The following RPL36A variants were observed in gnomAD, a reference collection of about 807,000 sequenced individuals.
RPL36A encodes ribosomal protein L36a, also known as large ribosomal subunit protein eL42.
For synonymous variants in RPL36A, 25 were observed against 28.5 expected, an observed-to-expected ratio of 0.88 and a Z score of 0.39; for missense variants, 20 against 81.0, an observed-to-expected ratio of 0.25 and a Z score of 2.89.
chrX:101,394,884 G>T (rs782366541), intron 3 of RPL36A, among the ~76,000 whole-genome samples: 1 of 100,237 alleles, frequency 1.0e-5, no homozygotes, highest in South Asian at 4.8e-4. Context: ...CACCTCCCGG[G>T]TTCAAGTGAT....
intron 3 of RPL36A, among the ~76,000 whole-genome samples, chrX:101,394,344 TAA>T (rs1248967438): frequency 2.9e-5 from 3 of 102,234 alleles, no homozygotes; most frequent in African/African-American, 1.1e-4. Flanking sequence ...AAAAGAACAA[TAA>T]AAAAAGTTGA....
chrX:101,394,691 TACC>T (rs1397444604), intron 3 of RPL36A, among the ~76,000 whole-genome samples: 29 of 102,079 alleles, frequency 2.8e-4, no homozygotes, highest in South Asian at 4.2e-4. Context: ...TCTTTGCTAT[TACC>T]ACATTTTCTC....
intron 3 of RPL36A, chrX:101,392,349 A>G: frequency 1.2e-6 from 1 of 849,792 alleles, no homozygotes; most frequent in Non-Finnish European, 1.4e-6. Flanking sequence ...GATTTGGCTA[A>G]CTCTTAAAGT....
Position 101,391,885 on chromosome X carries a change from T to C in RPL36A, c.177+63T>C, listed in dbSNP as rs782307448. 6.7e-6 allele frequency: 8 copies of C among 1,195,897 alleles called. No individual in the cohort carries two copies. The South Asian group carries it at 1.1e-4, about 17-fold the overall frequency. ...TGCCGTAAGGATATGCACTTGTCTC[T>C]AGTCCACACACTTCATGATATAGGT... is the stretch of plus-strand genomic sequence containing the variant. On this transcript the variant is annotated intron_variant, in intron 3 of 4. Coordinates refer to ENST00000553110, the MANE Select transcript of RPL36A (RefSeq NM_021029.6).
rs782610523 is a variant in RPL36A, at chrX:101,395,862, TG to T, written c.*118del. The T allele has an allele frequency of 2.7e-6, 2 of 729,933 alleles. No homozygotes were observed. The highest frequency in any genetic ancestry group is 6.6e-5 in the East Asian group (2 of 30,487). The allele number at this position is 729,933 out of a possible 1,213,427, so 60.2% of individuals were successfully genotyped here. On this transcript the variant is annotated 3_prime_UTR_variant, in exon 5 of 5. Transcript: ENST00000553110. ...AGAGCCATCAATACAATTCCGCTTGTGGGGAAATTTATGCCTCTTACTGGTA... is the reference window on the plus strand; with the variant it reads ...AGAGCCATCAATACAATTCCGCTTGTGGGAAATTTATGCCTCTTACTGGTA...
intron 4 of RPL36A, 24 bp from the exon 5 acceptor site, chrX:101,395,701 AAAC>A (rs782683315): frequency 2.5e-6 from 3 of 1,206,548 alleles, no homozygotes; most frequent in Non-Finnish European, 3.4e-6. Context: ...GCAAAATACA[AAAC>A]AACTTTTTTC....
Position 101,395,709 on chromosome X carries a change from T to A in RPL36A, c.301-19T>A. 1 of 1,208,926 alleles carries A rather than the reference T, an allele frequency of 8.3e-7. No homozygotes were observed. Among genetic ancestry groups the A allele is most frequent in the Non-Finnish European group, 1.1e-6 (1 of 893,326 alleles). ...GTTCATGGCAAAATACAAAACAACTTTTTTCTGTTCTGTTACAGGGCCAAG... is the reference window on the plus strand; with the variant it reads ...GTTCATGGCAAAATACAAAACAACTATTTTCTGTTCTGTTACAGGGCCAAG... On this transcript the variant is annotated intron_variant, in intron 4 of 4. Coordinates refer to ENST00000553110, the MANE Select transcript of RPL36A (RefSeq NM_021029.6).
rs199799736 is a variant in RPL36A, at chrX:101,396,121, GTTAAT to G, written c.*379_*383del. 9,652 of 167,924 alleles carry G rather than the reference GTTAAT, an allele frequency of 0.057. 342 individuals carry two copies. Among genetic ancestry groups the G allele is most frequent in the African/African-American group, 0.14 (4,580 of 32,656 alleles). 13.8% of individuals were successfully genotyped at this position (167,924 alleles called of 1,213,427 possible). A position where few individuals can be genotyped will look rare whatever the true frequency, so the allele number is the denominator to read the frequency against. ...TAAGTGTCAGATCTTTGTTATAACA[GTTAAT>G]TTAATAAAGAATTTTGGCATTGTTC... is the stretch of plus-strand genomic sequence containing the variant. On this transcript the variant is annotated 3_prime_UTR_variant, in exon 5 of 5. Transcript: ENST00000553110.
intron 3 of RPL36A, chrX:101,392,391 C>T (rs1927842034): frequency 2.5e-6 from 2 of 803,458 alleles, no homozygotes; most frequent in African/African-American, 4.4e-5. Context: ...GGAGCATTCT[C>T]TCCAACACAG....
At chrX:101,394,717 TATTTATATA>T (rs1287986010) in intron 3 of RPL36A, among the ~76,000 whole-genome samples, 9 of 101,716 alleles carry the variant, frequency 8.8e-5, no homozygotes, top group African/African-American at 3.2e-4. Context: ...TATATATATA[TATTTATATA>T]TTATATATTA....
rs782573018 is a variant in RPL36A, at chrX:101,395,933, T to G, written c.*185T>G. ...GCTGACTGGTTGAGTTCACATCATA[T>G]GTTGCAATTTTCTAATTTGGCACTT... On this transcript the variant is annotated 3_prime_UTR_variant, in exon 5 of 5. Transcript: ENST00000553110. 3 of 434,503 alleles carry G rather than the reference T, an allele frequency of 6.9e-6. No homozygotes were observed. The highest frequency in any genetic ancestry group is 9.5e-5 in the Admixed American group (2 of 20,954). 35.8% of individuals were successfully genotyped at this position (434,503 alleles called of 1,213,427 possible).
chrX:101,392,324 T>G (rs1365609113), intron 3 of RPL36A: 1 of 865,141 alleles, frequency 1.2e-6, no homozygotes, highest in Non-Finnish European at 1.4e-6. Context: ...TTCTGTTTAC[T>G]CTCAAACCTT....
At chrX:101,391,328 C>G (rs1206575101) in intron 1 of RPL36A, 131 bp from the exon 2 acceptor site, 2 of 835,855 alleles carry the variant, frequency 2.4e-6, no homozygotes, top group East Asian at 3.1e-5. Context: ...ATGGGGCTGG[C>G]CCACCCTGTA....
intron 3 of RPL36A, among the ~76,000 whole-genome samples, chrX:101,394,006 T>G (rs1408849007): frequency 8.9e-6 from 1 of 112,182 alleles, no homozygotes; most frequent in African/African-American, 3.2e-5. Flanking sequence ...ATAGAAAACT[T>G]GTAAACAATA....
At chrX:101,394,279 G>A (rs1489778685) in intron 3 of RPL36A, among the ~76,000 whole-genome samples, 1 of 104,672 alleles carries the variant, frequency 9.6e-6, no homozygotes, top group Non-Finnish European at 1.9e-5. Flanking sequence ...CTGAGATCAC[G>A]TCATTGCACT....
chrX:101,392,035 C>G (rs782338226), intron 3 of RPL36A: 51 of 1,156,107 alleles, frequency 4.4e-5, no homozygotes, highest in Non-Finnish European at 5.9e-5. Context: ...ATTTTTTATC[C>G]TTTCCCTTCT....
chrX:101,392,100 G>A (rs1205890759), intron 3 of RPL36A: 62 of 1,124,298 alleles, frequency 5.5e-5, no homozygotes, highest in Non-Finnish European at 7.0e-5. Flanking sequence ...TGAAGTGTGA[G>A]TACACTGGTA....
intron 3 of RPL36A, chrX:101,393,414 A>G (rs1324479519): frequency 8.9e-6 from 1 of 111,799 alleles, no homozygotes; most frequent in Non-Finnish European, 1.9e-5. Context: ...AATGAATTAG[A>G]CCAACTATTT....
At chrX:101,392,572 A>G (rs782495137) in intron 3 of RPL36A, 1 of 753,214 alleles carries the variant, frequency 1.3e-6, no homozygotes, top group East Asian at 1.5e-4. Context: ...AGAGGTTCTA[A>G]CTAGGTTTTG....
Sources: allele counts gnomAD v4.1 joint callset (sites outside exome capture counted in the v4.1 genomes callset), GRCh38; gene constraint gnomAD v4.1.1; transcripts MANE v1.5; gene names NCBI Gene and HGNC (gene_info 2026-07-23, HGNC 2026-07-21).